GABRA2: variants seen among roughly 807,000 people sequenced by gnomAD.
GABRA2 encodes gamma-aminobutyric acid type A receptor subunit alpha2, also known as gamma-aminobutyric acid receptor subunit alpha-2.
GABRA2 carries 16 observed loss-of-function variants against 48.7 expected under a neutral mutation model. The observed-to-expected ratio is 0.33, with a 90% CI of 0.22 to 0.50. The LOEUF is 0.50. Ranked by LOEUF, GABRA2 falls within the 20% of genes least tolerant of loss-of-function variation. GABRA2 has a pLI of 0.98. For synonymous variants in GABRA2, 185 were observed against 184.5 expected (o/e 1.00, Z -0.02); for missense variants, 275 against 535.6 (o/e 0.51, Z 4.80).
At chr4:46,379,374 A>T (rs777815219) in intron 3 of GABRA2, among the ~76,000 whole-genome samples, 6 of 152,190 alleles carry the variant, frequency 3.9e-5, no homozygotes, top group Admixed American at 2.6e-4. Context: ...CAGGCACCCA[A>T]GCACATGTCT....
chr4:46,286,520 A>G (rs577244187), intron 8 of GABRA2, among the ~76,000 whole-genome samples: 2 of 152,220 alleles, frequency 1.3e-5, no homozygotes, highest in African/African-American at 4.8e-5. Flanking sequence ...GTAAGGAGCC[A>G]TCAAATTTGT....
At chr4:46,353,731 G>C (rs1433729331) in intron 3 of GABRA2, among the ~76,000 whole-genome samples, 3 of 151,990 alleles carry the variant, frequency 2.0e-5, no homozygotes, top group Admixed American at 2.0e-4. Context: ...TCTCAATGAG[G>C]CTAATATTAA....
intron 8 of GABRA2, among the ~76,000 whole-genome samples, chr4:46,262,975 A>AGAGG (rs1192920698): frequency 3.2e-4 from 45 of 139,234 alleles, no homozygotes; most frequent in East Asian, 2.5e-3. Context: ...AGAGAGAGAG[A>AGAGG]GAGGGAGGGA....
intron 9 of GABRA2, among the ~76,000 whole-genome samples, chr4:46,253,279 G>A (rs1307471991): frequency 3.3e-5 from 5 of 151,292 alleles, no homozygotes; most frequent in African/African-American, 1.2e-4. Context: ...ATATGCTCAG[G>A]AAATACAGGT....
chr4:46,308,538 T>C (rs1467047127), intron 6 of GABRA2, among the ~76,000 whole-genome samples: 2 of 152,188 alleles, frequency 1.3e-5, no homozygotes, highest in South Asian at 2.1e-4. Flanking sequence ...TTAATACTTA[T>C]GCATCAAGCA....
At chr4:46,340,581 T>C (rs1733048171) in intron 3 of GABRA2, among the ~76,000 whole-genome samples, 1 of 152,074 alleles carries the variant, frequency 6.6e-6, no homozygotes, top group African/African-American at 2.4e-5. Flanking sequence ...ATTTGCCCTT[T>C]TTCTGTTGAT....
chr4:46,261,899 AATG>A lies in GABRA2; in HGVS notation c.1059+24_1059+26del, dbSNP rs759150337. Reference sequence around the variant, plus strand: ...GAATTCATTAGGGTATTTTCTTAATAATGATAACACGGAAGCTCTCACTTACCT... The same window carrying A: ...GAATTCATTAGGGTATTTTCTTAATAATAACACGGAAGCTCTCACTTACCT... On this transcript the variant is annotated intron_variant, in intron 9 of 9. Transcript: ENST00000381620. The A allele has an allele frequency of 1.5e-5, 23 of 1,576,160 alleles. 1 individual carries two copies. The highest frequency in any genetic ancestry group is 1.1e-4 in the South Asian group (10 of 90,324).
At chr4:46,346,452 T>C (rs1337757318) in intron 3 of GABRA2, among the ~76,000 whole-genome samples, 1 of 151,676 alleles carries the variant, frequency 6.6e-6, no homozygotes, top group African/African-American at 2.4e-5. Context: ...CATTTTTTAG[T>C]ATAGTTCTAA....
At chr4:46,388,900 C>G in intron 1 of GABRA2, 184 bp from the exon 2 acceptor site, 1 of 1,348,288 alleles carries the variant, frequency 7.4e-7, no homozygotes, top group Non-Finnish European at 9.5e-7. Context: ...GACCCCCACC[C>G]CCACCCTTTT....
At chr4:46,362,528 A>C (rs1445074718) in intron 3 of GABRA2, among the ~76,000 whole-genome samples, 1 of 152,230 alleles carries the variant, frequency 6.6e-6, no homozygotes, top group Non-Finnish European at 1.5e-5. Flanking sequence ...AAAGAAACAC[A>C]AAAACTAAAA....
intron 4 of GABRA2, among the ~76,000 whole-genome samples, chr4:46,320,240 A>G (rs554618387): frequency 1.3e-5 from 2 of 152,000 alleles, no homozygotes; most frequent in South Asian, 2.1e-4. Flanking sequence ...AGCCATATGC[A>G]CTAGAATTAA....
chr4:46,377,196 A>G (rs964760349), intron 3 of GABRA2, among the ~76,000 whole-genome samples: 45 of 129,118 alleles, frequency 3.5e-4, no homozygotes, highest in Non-Finnish European at 6.8e-4. Flanking sequence ...CCGGCCGCCC[A>G]TCGTCTGGGA....
Position 46,256,226 on chromosome 4 carries a change from C to T in GABRA2, c.1060-5622G>A, listed in dbSNP as rs1237262168. Reference sequence around the variant, plus strand: ...TTGTTTGAAGGTTAAACAGTCCATCCACTTCTCTAAGTACTCTAAAGTCTT... The same window carrying T: ...TTGTTTGAAGGTTAAACAGTCCATCTACTTCTCTAAGTACTCTAAAGTCTT... On this transcript the variant is annotated intron_variant, in intron 9 of 9. Transcript: ENST00000381620. 6 of 687,334 alleles carry T rather than the reference C, an allele frequency of 8.7e-6. No homozygotes were observed. The highest frequency in any genetic ancestry group is 1.6e-5 in the Non-Finnish European group (6 of 376,774). The allele number at this position is 687,334 out of a possible 1,614,324, so 42.6% of individuals were successfully genotyped here. A position where few individuals can be genotyped will look rare whatever the true frequency, so the allele number is the denominator to read the frequency against.
chr4:46,282,193 A>G (rs1721658587), intron 8 of GABRA2, among the ~76,000 whole-genome samples: 1 of 152,168 alleles, frequency 6.6e-6, no homozygotes, highest in Admixed American at 6.5e-5. Flanking sequence ...TCTCCTTTCC[A>G]TTGGAGGAAT....
chr4:46,326,343 T>G (rs1730367457), intron 4 of GABRA2, among the ~76,000 whole-genome samples: 1 of 152,044 alleles, frequency 6.6e-6, no homozygotes, highest in East Asian at 1.9e-4. Context: ...TGTTTTACTA[T>G]GCGCAAAACA....
intron 3 of GABRA2, among the ~76,000 whole-genome samples, chr4:46,349,324 T>A (rs1261229443): frequency 6.6e-6 from 1 of 151,894 alleles, no homozygotes; most frequent in South Asian, 2.1e-4. Flanking sequence ...TCTGTTTTTA[T>A]CTCCTTGTTG....
chr4:46,335,316 A>G (rs1202080697), intron 3 of GABRA2, among the ~76,000 whole-genome samples: 1 of 152,148 alleles, frequency 6.6e-6, no homozygotes, highest in Non-Finnish European at 1.5e-5. Flanking sequence ...GATTTGGAAC[A>G]AGGTGGAATT....
At chr4:46,326,056 C>T (rs1344792986) in intron 4 of GABRA2, among the ~76,000 whole-genome samples, 1 of 151,936 alleles carries the variant, frequency 6.6e-6, no homozygotes. Context: ...TATTCAGGCT[C>T]TTACTTTGGC....
At chr4:46,294,041 T>A (rs1255857514) in intron 8 of GABRA2, among the ~76,000 whole-genome samples, 2 of 152,206 alleles carry the variant, frequency 1.3e-5, no homozygotes, top group African/African-American at 4.8e-5. Flanking sequence ...TCCATTCTTG[T>A]CCATAAGGCC....
Sources: gnomAD v4.1 joint callset for allele counts (sites outside exome capture counted in the v4.1 genomes callset) on GRCh38, gnomAD v4.1.1 for gene constraint, MANE v1.5 for transcripts, NCBI Gene and HGNC (gene_info 2026-07-23, HGNC 2026-07-21) for gene names.